The following FER1L6 variants were observed in gnomAD, a reference collection of about 807,000 sequenced individuals.
FER1L6 encodes the protein fer-1 like family member 6.
In FER1L6, 177 loss-of-function variants were observed where a neutral mutation model predicts 219.2. The ratio of observed to expected loss-of-function variants is 0.81; its 90% CI spans 0.71 to 0.91. The LOEUF (loss-of-function observed/expected upper bound fraction) is 0.91, where lower values mean the gene tolerates loss of function less well. Among genes scored for constraint, FER1L6 ranks in the 40% least tolerant of loss-of-function variants. The probability of loss-of-function intolerance (pLI) is 0.00; values close to 1 mark genes in which losing one functional copy is unlikely to be tolerated. For missense variants in FER1L6, 2,153 were observed against 2,259.9 expected (o/e 0.95, Z 0.96); for synonymous variants, 768 against 824.3 (o/e 0.93, Z 1.17).
intron 1 of FER1L6, among the ~76,000 whole-genome samples, chr8:123,945,725 A>C (rs754770271): frequency 1.3e-5 from 2 of 152,260 alleles, no homozygotes; most frequent in Non-Finnish European, 2.9e-5. Context: ...CTTGGAACTA[A>C]TTAGCTTGAG....
chr8:123,974,680 A>AAAAAAAAAT (rs1362934333), intron 7 of FER1L6, among the ~76,000 whole-genome samples: 1 of 148,488 alleles, frequency 6.7e-6, no homozygotes, highest in Non-Finnish European at 1.5e-5. Flanking sequence ...AAAAAAAAAA[A>AAAAAAAAAT]AAGAAATGTG....
chr8:124,033,400 G>C (rs1819055513), intron 18 of FER1L6, among the ~76,000 whole-genome samples: 1 of 152,108 alleles, frequency 6.6e-6, no homozygotes, highest in African/African-American at 2.4e-5. Flanking sequence ...ATTATTATTA[G>C]AGAAGTGATA....
intron 2 of FER1L6, among the ~76,000 whole-genome samples, chr8:123,957,485 T>G (rs11781147): frequency 0.15 from 23,375 of 152,152 alleles, 2,340 homozygotes; most frequent in African/African-American, 0.28. Flanking sequence ...ACACTAGTAT[T>G]TATGACATAT....
intron 31 of FER1L6, among the ~76,000 whole-genome samples, chr8:124,072,153 A>G (rs1325818913): frequency 6.6e-6 from 1 of 152,208 alleles, no homozygotes; most frequent in African/African-American, 2.4e-5. Flanking sequence ...GGAACCAAAT[A>G]GGAGGGAAGC....
Position 124,018,747 on chromosome 8 carries a change from A to C in FER1L6, c.2013+1029A>C, listed in dbSNP as rs138068034. Among the ~76,000 whole-genome samples the C allele has an allele frequency of 3.6e-3, 544 of 152,184 alleles. 2 individuals are homozygous for C. Among genetic ancestry groups the C allele is most frequent in the Non-Finnish European group, 6.1e-3 (418 of 68,008 alleles). On this transcript the variant is annotated intron_variant, in intron 16 of 40. Transcript: ENST00000522917. ...TAATGGGCATCTCCATGCTTATCTCACATCACTCCAAACTCTGAGCCCATC... is the reference window on the plus strand; with the variant it reads ...TAATGGGCATCTCCATGCTTATCTCCCATCACTCCAAACTCTGAGCCCATC...
At chr8:124,001,355 T>C (rs1028182500) in intron 12 of FER1L6, among the ~76,000 whole-genome samples, 1 of 152,240 alleles carries the variant, frequency 6.6e-6, no homozygotes, top group Non-Finnish European at 1.5e-5. Context: ...CCTTTAGCCA[T>C]ACTCTTCCCA....
intron 12 of FER1L6, among the ~76,000 whole-genome samples, chr8:123,996,389 C>G (rs1012917540): frequency 6.6e-6 from 1 of 151,994 alleles, no homozygotes; most frequent in Non-Finnish European, 1.5e-5. Context: ...TGAAATGACT[C>G]CTTGGTCTCT....
intron 33 of FER1L6, among the ~76,000 whole-genome samples, chr8:124,083,699 A>G (rs1304797825): frequency 6.6e-6 from 1 of 152,104 alleles, no homozygotes; most frequent in Non-Finnish European, 1.5e-5. Flanking sequence ...GAAGTCAGGT[A>G]ATGTGATTCC....
intron 6 of FER1L6, among the ~76,000 whole-genome samples, chr8:123,970,469 G>T (rs2130254632): frequency 6.6e-6 from 1 of 152,016 alleles, no homozygotes; most frequent in East Asian, 1.9e-4. Flanking sequence ...TTCTTGGGCT[G>T]GTATCTACAC....
chr8:124,004,255 A>G (rs1333991563), intron 13 of FER1L6: 1 of 152,220 alleles, frequency 6.6e-6, no homozygotes, highest in African/African-American at 2.4e-5. Context: ...GTAAAATTAC[A>G]GAATTTTTTA....
intron 1 of FER1L6, among the ~76,000 whole-genome samples, chr8:123,883,022 G>C (rs1366842547): frequency 6.6e-6 from 1 of 152,166 alleles, no homozygotes; most frequent in Non-Finnish European, 1.5e-5. Flanking sequence ...TCTCAGGTTT[G>C]CTGTGAACCT....
At chr8:124,074,995 T>G (rs1272763688) in intron 31 of FER1L6, among the ~76,000 whole-genome samples, 2 of 152,206 alleles carry the variant, frequency 1.3e-5, no homozygotes, top group Non-Finnish European at 2.9e-5. Context: ...CTTGCCAGAC[T>G]GGAAGTTGCT....
At chr8:123,957,811 A>T (rs1243574537) in intron 2 of FER1L6, among the ~76,000 whole-genome samples, 2 of 152,156 alleles carry the variant, frequency 1.3e-5, no homozygotes, top group Non-Finnish European at 2.9e-5. Flanking sequence ...CACAAAGCAA[A>T]CAGGGCAGGG....
At chr8:124,096,859 G>A (rs4871462) in intron 35 of FER1L6, among the ~76,000 whole-genome samples, 128,185 of 152,092 alleles carry the variant, frequency 0.84, 54,166 homozygotes, top group African/African-American at 0.87. Context: ...GGTTGAATCC[G>A]GACTCTGCTA....
chr8:123,864,077 G>A (rs1322003865), intron 1 of FER1L6, among the ~76,000 whole-genome samples: 7 of 147,568 alleles, frequency 4.7e-5, no homozygotes, highest in East Asian at 2.0e-4. Context: ...TCCTAGTCTC[G>A]ATGGTCTTTA....
intron 32 of FER1L6, among the ~76,000 whole-genome samples, chr8:124,080,803 G>A (rs1219587159): frequency 6.6e-6 from 1 of 152,162 alleles, no homozygotes; most frequent in African/African-American, 2.4e-5. Flanking sequence ...CATGGCTGGA[G>A]GCTTCCTTGT....
In FER1L6 at chr8:124,039,890, G is replaced by A. The variant is rs774388348; in HGVS notation, c.2473G>A (p.Val825Ile). 1 of 1,614,126 alleles carries A rather than the reference G, an allele frequency of 6.2e-7. No homozygotes were observed. Among genetic ancestry groups the A allele is most frequent in the South Asian group, 1.1e-5 (1 of 91,084 alleles). ...CCATGATTTGTCCACAGAACAGCATGTTTTTCAGCTGAGGGCTCACATGTA... is the reference window on the plus strand; with the variant it reads ...CCATGATTTGTCCACAGAACAGCATATTTTTCAGCTGAGGGCTCACATGTA... Reference protein sequence around the residue: ...PSNLLYQEQHVFQLRAHMYQA... With the variant: ...PSNLLYQEQHIFQLRAHMYQA... The change falls in exon 20 of 41, where the codon GTT (valine) becomes ATT (isoleucine). Residue 825 changes from valine (V) to isoleucine (I), a missense_variant. Val to Ile is a conservative substitution (Grantham distance 29, BLOSUM62 3). Coordinates refer to ENST00000522917, the MANE Select transcript of FER1L6 (RefSeq NM_001039112.2).
At chr8:123,888,995 A>G (rs1181839017) in intron 1 of FER1L6, among the ~76,000 whole-genome samples, 1 of 152,226 alleles carries the variant, frequency 6.6e-6, no homozygotes, top group Non-Finnish European at 1.5e-5. Flanking sequence ...CAACATAAAC[A>G]TAGAAATGTC....
intron 20 of FER1L6, among the ~76,000 whole-genome samples, chr8:124,043,121 T>C (rs1586629967): frequency 6.6e-6 from 1 of 152,148 alleles, no homozygotes; most frequent in Non-Finnish European, 1.5e-5. Flanking sequence ...GTGGCAGGCG[T>C]TCAGTAAATG....
Sources: gnomAD v4.1 joint callset for allele counts (sites outside exome capture counted in the v4.1 genomes callset) on GRCh38, gnomAD v4.1.1 for gene constraint, MANE v1.5 for transcripts, NCBI Gene and HGNC (gene_info 2026-07-23, HGNC 2026-07-21) for gene names.